The following MMS19 variants were observed in gnomAD, a reference collection of about 807,000 sequenced individuals.
MMS19 encodes the protein MMS19 cytosolic iron-sulfur assembly component, also known as MMS19 nucleotide excision repair protein homolog.
Under a neutral mutation model 129.8 loss-of-function variants are expected in MMS19, and 77 were observed. The observed-to-expected ratio is 0.59, with a 90% confidence interval of 0.49 to 0.72. The LOEUF is 0.72. Among genes scored for constraint, MMS19 ranks in the 30% least tolerant of loss-of-function variants. MMS19 has a pLI of 0.00. For missense variants in MMS19, 1,168 were observed against 1,266.3 expected (o/e 0.92, Z 1.18); for synonymous variants, 491 against 502.8 (o/e 0.98, Z 0.31).
At chr10:97,461,774 C>CG in intron 22 of MMS19, 54 bp downstream of exon 22, 2 of 1,570,082 alleles carry the variant, frequency 1.3e-6, no homozygotes, top group Non-Finnish European at 1.7e-6. Context: ...AATTTCAGCC[C>CG]GGAGTCACCT....
chr10:97,478,927 T>C (rs1326483472), intron 3 of MMS19, among the ~76,000 whole-genome samples: 2 of 152,182 alleles, frequency 1.3e-5, no homozygotes, highest in Admixed American at 6.5e-5. Flanking sequence ...CACACACATA[T>C]ACCCCCAAAC....
Position 97,477,467 on chromosome 10 carries a change from G to A in MMS19, c.424-51C>T, listed in dbSNP as rs924183038. On this transcript the variant is annotated intron_variant, in intron 5 of 30. Coordinates refer to ENST00000438925, the MANE Select transcript of MMS19 (RefSeq NM_022362.5). ...AAGAAAATGCTCAAAGAATACCTCA[G>A]CTGACACAGCTAGTTCCTGCTTCAT... is the stretch of plus-strand genomic sequence containing the variant. 2.7e-5 allele frequency: 43 copies of A among 1,612,900 alleles called. No homozygotes were observed. In the Admixed American group the frequency reaches 6.0e-4, roughly 23 times the overall value.
At chr10:97,468,224 A>G (rs2033939145) in intron 13 of MMS19, 28 bp downstream of exon 13, 2 of 1,519,274 alleles carry the variant, frequency 1.3e-6, no homozygotes, top group African/African-American at 1.4e-5. Context: ...AGGTCCCATC[A>G]TTTCCCCCAA....
intron 1 of MMS19, among the ~76,000 whole-genome samples, chr10:97,486,534 G>A (rs1185738749): frequency 6.6e-6 from 1 of 152,140 alleles, no homozygotes; most frequent in Non-Finnish European, 1.5e-5. Context: ...ATCTTGCTAA[G>A]TGAAGTAAGC....
At chr10:97,462,188 G>T in intron 20 of MMS19, 69 bp from the exon 21 acceptor site, 2 of 1,133,644 alleles carry the variant, frequency 1.8e-6, no homozygotes, top group Non-Finnish European at 2.6e-6. Flanking sequence ...CCACAGACGT[G>T]CTTTTCAACC....
chr10:97,487,011 A>G, intron 1 of MMS19, among the ~76,000 whole-genome samples: 1 of 150,480 alleles, frequency 6.6e-6, no homozygotes, highest in African/African-American at 2.4e-5. Context: ...ACTTTCAACA[A>G]AAAAAAGAAA....
upstream of MMS19, chr10:97,498,645 A>G (rs2040252543): frequency 2.1e-6 from 1 of 469,690 alleles, no homozygotes; most frequent in Non-Finnish European, 3.8e-6. Context: ...TCCCCGGGAG[A>G]CGGGCTGCGG....
chr10:97,460,236 G>A lies in MMS19; in HGVS notation c.2470-4C>T, dbSNP rs11818837. On this transcript the variant is annotated splice_region_variant and splice_polypyrimidine_tract_variant and intron_variant, in intron 25 of 30. Transcript: ENST00000438925. ...GGTCACTCAGGAGGCCCATGAGCTG[G>A]AGAAAAAAGAGCCTTTGAGGTACAT... The A allele has an allele frequency of 7.8e-3, 12,520 of 1,605,010 alleles. 323 individuals are homozygous for A. In the African/African-American group the frequency reaches 0.083, roughly 11 times the overall value.
chr10:97,459,807 C>T (rs1174887408), intron 26 of MMS19, 66 bp from the exon 27 acceptor site: 1 of 1,317,318 alleles, frequency 7.6e-7, no homozygotes, highest in African/African-American at 1.5e-5. Context: ...AAATCAATTC[C>T]AATCTGTGGT....
chr10:97,462,567 C>A lies in MMS19; in HGVS notation c.2012+16G>T. On this transcript the variant is annotated intron_variant, in intron 20 of 30. Transcript: ENST00000438925. ...CCTTCTCCCTGGGTTCAAGCCACAT[C>A]CATGATTATACTTACTCAGGGCTCA... 1.9e-6 allele frequency: 3 copies of A among 1,598,700 alleles called. No homozygotes were observed. The highest frequency in any genetic ancestry group is 2.6e-6 in the Non-Finnish European group (3 of 1,166,038).
intron 12 of MMS19, 103 bp downstream of exon 12, chr10:97,468,863 C>T: frequency 7.9e-7 from 1 of 1,266,288 alleles, no homozygotes; most frequent in Non-Finnish European, 1.1e-6. Context: ...CCCGCCTCGG[C>T]CTCCTAAAGT....
chr10:97,461,651 C>G (rs763143870), intron 22 of MMS19, 29 bp from the exon 23 acceptor site: 4 of 1,589,978 alleles, frequency 2.5e-6, no homozygotes, highest in African/African-American at 1.3e-5. Flanking sequence ...TGTAATGGAC[C>G]CAGAGAACAC....
chr10:97,462,699 CAT>C lies in MMS19; in HGVS notation c.1913-19_1913-18del. On this transcript the variant is annotated intron_variant, in intron 19 of 30. Transcript: ENST00000438925. ...GCTCCTTCTCTGCAAAACACACACA[CAT>C]GCACACAATCACAAGACCATGACGG... 6.4e-7 allele frequency: 1 copy of C among 1,563,262 alleles called. No individual in the cohort carries two copies. Among genetic ancestry groups the C allele is most frequent in the South Asian group, 1.1e-5 (1 of 89,980 alleles).
intron 1 of MMS19, among the ~76,000 whole-genome samples, chr10:97,487,770 C>A (rs543744832): frequency 6.6e-6 from 1 of 152,054 alleles, no homozygotes; most frequent in African/African-American, 2.4e-5. Context: ...GCCAGTTTCC[C>A]GATATATAAA....
At position 97,458,898 on chromosome 10, in the gene MMS19, C is replaced by T. The variant is rs551983282; in HGVS notation, c.2967G>A (p.Leu989=). ...GAATCACCTGTGGTTTGTACGGCAGCAGCTGTGGAGTCAGAGGATATAATC... is the reference window on the plus strand; with the variant it reads ...GAATCACCTGTGGTTTGTACGGCAGTAGCTGTGGAGTCAGAGGATATAATC... ...HALTRLPTPV[L]LPYKPQVIRA... is the part of the protein sequence containing the mutation. Residue 989 remains leucine, a splice_region_variant and synonymous_variant, in exon 30 of 31, where the codon CTG becomes CTA. Transcript: ENST00000438925. 13 of 1,613,984 alleles carry T rather than the reference C, an allele frequency of 8.1e-6. No homozygotes were observed. The African/African-American group carries it at 1.6e-4, about 20-fold the overall frequency.
rs29001293 is a variant in MMS19 at position 97,475,167 on chromosome 10, T to G, written c.684+1516A>C. Among the ~76,000 whole-genome samples the G allele has an allele frequency of 4.1e-4, 62 of 152,226 alleles. 1 individual carries two copies. In the East Asian group the frequency reaches 9.1e-3, roughly 22 times the overall value. On this transcript the variant is annotated intron_variant, in intron 8 of 30. Coordinates refer to ENST00000438925, the MANE Select transcript of MMS19 (RefSeq NM_022362.5). The stretch of plus-strand genomic sequence containing the variant: ...TAACTTATATACTGACGTGGAACAC[T>G]CTCCAAGACATAGTGTTCAGTGAAA...
intron 6 of MMS19, 43 bp from the exon 7 acceptor site, chr10:97,477,006 AG>A: frequency 6.2e-7 from 1 of 1,611,302 alleles, no homozygotes; most frequent in Middle Eastern, 1.7e-4. Flanking sequence ...CCCACAGCAC[AG>A]AAAGTGTGGG....
In MMS19 at chr10:97,466,135, T is replaced by C. The variant is rs748523867; in HGVS notation, c.1530A>G (p.Ser510=). ...CAGGGTAGAGAGCAGCCAGGGTTCC[T>C]GATGCTTCCAGTGCTGCCACCCTGC... ...QSCRVAALEA[S]GTLAALYPVA... is the part of the protein sequence containing the mutation. The change falls in exon 17 of 31, where the codon TCA becomes TCG. Residue 510 remains serine (S), a synonymous_variant. Transcript: ENST00000438925. The C allele has an allele frequency of 3.2e-6, 5 of 1,580,436 alleles. No homozygotes were observed. In the South Asian group the frequency reaches 5.7e-5, roughly 18 times the overall value.
intron 1 of MMS19, among the ~76,000 whole-genome samples, chr10:97,485,039 T>C (rs1162666983): frequency 6.6e-6 from 1 of 152,162 alleles, no homozygotes; most frequent in African/African-American, 2.4e-5. Flanking sequence ...TCTCCCAAAG[T>C]GCTGGGATTA....
Sources: gnomAD v4.1 joint callset for allele counts (sites outside exome capture counted in the v4.1 genomes callset) on GRCh38, gnomAD v4.1.1 for gene constraint, MANE v1.5 for transcripts, NCBI Gene and HGNC (gene_info 2026-07-23, HGNC 2026-07-21) for gene names.